CNTNAP2: variants seen among roughly 807,000 people sequenced by gnomAD.
CNTNAP2 encodes the protein contactin associated protein 2.
In CNTNAP2, 98 loss-of-function variants were observed where a neutral mutation model predicts 155.2. The ratio of observed to expected loss-of-function variants is 0.63; its 90% CI spans 0.54 to 0.75. The LOEUF (loss-of-function observed/expected upper bound fraction) is 0.75. Ranked by LOEUF, CNTNAP2 falls within the 30% of genes least tolerant of loss-of-function variation. The pLI is 0.00. For missense variants in CNTNAP2, 1,727 were observed against 1,688.1 expected (o/e 1.02, Z -0.40); for synonymous variants, 651 against 631.2 (o/e 1.03, Z -0.47).
intron 13 of CNTNAP2, among the ~76,000 whole-genome samples, chr7:147,776,099 T>C (rs954150581): frequency 5.9e-5 from 9 of 152,150 alleles, no homozygotes; most frequent in African/African-American, 2.2e-4. Flanking sequence ...ACTAGAAATG[T>C]ACCAGCCATC....
At chr7:146,589,682 G>T (rs922830324) in intron 1 of CNTNAP2, among the ~76,000 whole-genome samples, 1 of 151,870 alleles carries the variant, frequency 6.6e-6, no homozygotes, top group African/African-American at 2.4e-5. Context: ...AACCACCATG[G>T]CACGTGTATA....
At chr7:146,986,182 G>A (rs1052345724) in intron 3 of CNTNAP2, among the ~76,000 whole-genome samples, 2 of 152,032 alleles carry the variant, frequency 1.3e-5, no homozygotes, top group African/African-American at 4.8e-5. Flanking sequence ...AGTCCCTAAA[G>A]TCCGTTGTGT....
At chr7:147,916,363 G>A (rs2116772103) in intron 14 of CNTNAP2, among the ~76,000 whole-genome samples, 1 of 152,270 alleles carries the variant, frequency 6.6e-6, no homozygotes, top group African/African-American at 2.4e-5. Flanking sequence ...GGGCACCGGA[G>A]AAGATGTCAG....
In CNTNAP2 at chr7:147,285,054, A is replaced by G. The variant is rs1012980984; in HGVS notation, c.1349-15087A>G. Reference sequence around the variant, plus strand: ...AGTTAAAGATTATCTGGTGGCATGTATAAAAACAGAGTTTTATAAAAAAAG... The same window carrying G: ...AGTTAAAGATTATCTGGTGGCATGTGTAAAAACAGAGTTTTATAAAAAAAG... On this transcript the variant is annotated intron_variant, in intron 8 of 23. Coordinates refer to ENST00000361727, the MANE Select transcript of CNTNAP2 (RefSeq NM_014141.6). 1.3e-4 allele frequency among the ~76,000 whole-genome samples: 19 copies of G among 151,930 alleles called. 1 individual carries two copies. The highest frequency in any genetic ancestry group is 1.3e-4 in the Admixed American group (2 of 15,216).
chr7:148,119,398 CGG>C (rs941676083), intron 16 of CNTNAP2, among the ~76,000 whole-genome samples: 51 of 150,902 alleles, frequency 3.4e-4, no homozygotes, highest in East Asian at 5.9e-4. Context: ...GGTGTGGTGG[CGG>C]GGGCGCCTGT....
chr7:148,289,581 TCA>T (rs55906004), intron 21 of CNTNAP2, among the ~76,000 whole-genome samples: 17 of 151,210 alleles, frequency 1.1e-4, no homozygotes, highest in Middle Eastern at 3.4e-3. Flanking sequence ...ACACTCACAC[TCA>T]CACACACACA....
intron 13 of CNTNAP2, among the ~76,000 whole-genome samples, chr7:147,806,464 T>C (rs551938327): frequency 7.9e-5 from 12 of 152,238 alleles, no homozygotes; most frequent in South Asian, 6.2e-4. Context: ...ATAGAGCTAT[T>C]AATACTATAT....
At chr7:146,614,265 A>G (rs1799187318) in intron 1 of CNTNAP2, among the ~76,000 whole-genome samples, 1 of 152,202 alleles carries the variant, frequency 6.6e-6, no homozygotes, top group Admixed American at 6.5e-5. Flanking sequence ...GTTATGCACA[A>G]TATTTTATGT....
rs190511049 is a variant in CNTNAP2 at position 146,306,914 on chromosome 7, C to T, written c.97+189941C>T. Among the ~76,000 whole-genome samples, 1,001 of 152,194 alleles carry T rather than the reference C, an allele frequency of 6.6e-3. 10 individuals are homozygous for T. The highest frequency in any genetic ancestry group is 0.012 in the South Asian group (57 of 4,824). ...AAACTGGAAGCATTCCCTTTGAAAA[C>T]GGGCACAAGGCAGGGATGCCCTCTC... On this transcript the variant is annotated intron_variant, in intron 1 of 23. Coordinates refer to ENST00000361727, the MANE Select transcript of CNTNAP2 (RefSeq NM_014141.6).
rs977813380 is a variant in CNTNAP2, at chr7:148,030,295, G to A, written c.2383+52306G>A. 4.6e-5 allele frequency among the ~76,000 whole-genome samples: 7 copies of A among 152,106 alleles called. No individual in the cohort carries two copies. The South Asian group carries it at 6.2e-4, about 14-fold the overall frequency. On this transcript the variant is annotated intron_variant, in intron 15 of 23. Transcript: ENST00000361727. ...GAATTGCAATTAGAGTTTCTTAATC[G>A]TTGTGCATATTGTATTGTTGCATGG...
At chr7:148,413,415 T>A (rs367709762) in intron 23 of CNTNAP2, among the ~76,000 whole-genome samples, 34,861 of 47,882 alleles carry the variant, frequency 0.73, 13,874 homozygotes, top group East Asian at 0.85. Context: ...TATATATATA[T>A]ATATATATAT....
chr7:147,417,573 A>G (rs1022322104), intron 10 of CNTNAP2, among the ~76,000 whole-genome samples: 1 of 152,206 alleles, frequency 6.6e-6, no homozygotes, highest in Non-Finnish European at 1.5e-5. Context: ...CCTTTTGCAC[A>G]TTAGAGAACG....
At chr7:147,360,048 C>T (rs992184628) in intron 9 of CNTNAP2, among the ~76,000 whole-genome samples, 5 of 152,122 alleles carry the variant, frequency 3.3e-5, no homozygotes, top group Admixed American at 6.5e-5. Flanking sequence ...CAGACACAAT[C>T]GTATATTAAA....
chr7:146,928,455 G>A (rs1326848514), intron 3 of CNTNAP2, among the ~76,000 whole-genome samples: 1 of 152,146 alleles, frequency 6.6e-6, no homozygotes, highest in African/African-American at 2.4e-5. Flanking sequence ...GGGACTCGCA[G>A]CCAAGATGGC....
At chr7:147,837,960 C>A (rs192034416) in intron 13 of CNTNAP2, among the ~76,000 whole-genome samples, 6 of 152,272 alleles carry the variant, frequency 3.9e-5, no homozygotes, top group Admixed American at 3.9e-4. Flanking sequence ...TCCATGAGCA[C>A]CCCGCCCCTG....
chr7:147,264,148 TAGA>T (rs1175693654), intron 8 of CNTNAP2, among the ~76,000 whole-genome samples: 1 of 151,986 alleles, frequency 6.6e-6, no homozygotes, highest in Non-Finnish European at 1.5e-5. Context: ...GCAAGGAAAA[TAGA>T]AGCAAATGAA....
At chr7:147,181,245 A>C (rs907313344) in intron 8 of CNTNAP2, among the ~76,000 whole-genome samples, 3 of 152,180 alleles carry the variant, frequency 2.0e-5, no homozygotes, top group Admixed American at 1.3e-4. Flanking sequence ...ATCCGGGAAA[A>C]CACATCTCCA....
intron 1 of CNTNAP2, among the ~76,000 whole-genome samples, chr7:146,537,969 G>A (rs967130408): frequency 2.6e-5 from 4 of 151,980 alleles, no homozygotes; most frequent in Admixed American, 6.6e-5. Context: ...TTTGAACACA[G>A]GAATAACATA....
At chr7:148,057,546 T>C (rs552763328) in intron 15 of CNTNAP2, among the ~76,000 whole-genome samples, 36 of 152,322 alleles carry the variant, frequency 2.4e-4, no homozygotes, top group Admixed American at 1.6e-3. Flanking sequence ...TCTTCAAGTA[T>C]AAAGCCCTAT....
Sources: allele counts gnomAD v4.1 joint callset (sites outside exome capture counted in the v4.1 genomes callset), GRCh38; gene constraint gnomAD v4.1.1; transcripts MANE v1.5; gene names NCBI Gene and HGNC (gene_info 2026-07-23, HGNC 2026-07-21).